Variants in MPHOSPH8 observed in about 807,000 individuals in gnomAD.
MPHOSPH8 encodes M-phase phosphoprotein 8.
MPHOSPH8 carries 45 observed loss-of-function variants against 87.3 expected under a neutral mutation model. The ratio of observed to expected loss-of-function variants is 0.52; its 90% CI spans 0.41 to 0.66. The LOEUF (loss-of-function observed/expected upper bound fraction) is 0.66. Among genes scored for constraint, MPHOSPH8 ranks in the 30% least tolerant of loss-of-function variants. The pLI is 0.00. For synonymous variants in MPHOSPH8, 366 were observed against 376.9 expected (o/e 0.97, Z 0.33); for missense variants, 883 against 1,020.2 (o/e 0.87, Z 1.83).
chr13:19,668,797 CAA>C (rs57057854), intron 11 of MPHOSPH8, among the ~76,000 whole-genome samples: 16,140 of 152,154 alleles, frequency 0.11, 1,024 homozygotes, highest in African/African-American at 0.18. Context: ...AATTCAGCGT[CAA>C]GATTCTAAGC....
intron 12 of MPHOSPH8, 107 bp from the exon 13 acceptor site, chr13:19,671,099 G>A: frequency 1.3e-6 from 2 of 1,486,682 alleles, no homozygotes; most frequent in Non-Finnish European, 1.8e-6. Context: ...CTTGACTTAT[G>A]AAATAAAAAA....
intron 11 of MPHOSPH8, among the ~76,000 whole-genome samples, chr13:19,668,988 G>A (rs1460688625): frequency 6.6e-6 from 1 of 152,126 alleles, no homozygotes; most frequent in Non-Finnish European, 1.5e-5. Context: ...CTCTCTACAC[G>A]TGGCGCCAGG....
chr13:19,663,539 C>T (rs1025138209), intron 9 of MPHOSPH8, among the ~76,000 whole-genome samples: 18 of 152,324 alleles, frequency 1.2e-4, no homozygotes, highest in African/African-American at 4.1e-4. Flanking sequence ...CGGAGTTCCT[C>T]GTGCACTCTG....
At chr13:19,651,900 C>T (rs1284890543) in intron 5 of MPHOSPH8, among the ~76,000 whole-genome samples, 1 of 151,952 alleles carries the variant, frequency 6.6e-6, no homozygotes, top group African/African-American at 2.4e-5. Context: ...GAGTCCGAGA[C>T]CAGCCTGGAC....
chr13:19,660,883 C>G, intron 7 of MPHOSPH8: 1 of 973,880 alleles, frequency 1.0e-6, no homozygotes, highest in African/African-American at 1.8e-5. Context: ...TGATCGTATG[C>G]CCCCCAAAAA....
chr13:19,671,419 T>A (rs1488598478), intron 13 of MPHOSPH8, 130 bp downstream of exon 13: 1 of 709,498 alleles, frequency 1.4e-6, no homozygotes, highest in Non-Finnish European at 2.4e-6. Context: ...CCTGGGGTAG[T>A]GATGCTAGGT....
In MPHOSPH8 at chr13:19,663,064, C is replaced by G; in HGVS notation, c.1957C>G (p.Leu653Val). The change falls in exon 9 of 14, where the codon CTT becomes GTT. Residue 653 changes from leucine to valine, a missense_variant. Physicochemically the swap from Leu to Val is conservative, Grantham distance 32 (BLOSUM62 1). Coordinates refer to ENST00000361479, the MANE Select transcript of MPHOSPH8 (RefSeq NM_017520.4). Reference protein sequence around the residue: ...EKNFLTTVAILLEAGAFVNVQ... With the variant: ...EKNFLTTVAIVLEAGAFVNVQ... ...GAACTTTTTAACAACAGTGGCTATTCTTTTGGAAGCAGGAGCTTTTGTAAA... is the reference window on the plus strand; with the variant it reads ...GAACTTTTTAACAACAGTGGCTATTGTTTTGGAAGCAGGAGCTTTTGTAAA... 1 of 1,613,694 alleles carries G rather than the reference C, an allele frequency of 6.2e-7. No individual in the cohort carries two copies. The highest frequency in any genetic ancestry group is 8.5e-7 in the Non-Finnish European group (1 of 1,179,586).
intron 2 of MPHOSPH8, among the ~76,000 whole-genome samples, chr13:19,645,799 T>C (rs1874533960): frequency 6.6e-6 from 1 of 151,800 alleles, no homozygotes; most frequent in Non-Finnish European, 1.5e-5. Flanking sequence ...CCCCAAGTCA[T>C]TTAGGATAAG....
At chr13:19,658,448 G>A (rs187352397) in intron 5 of MPHOSPH8, among the ~76,000 whole-genome samples, 204 of 139,932 alleles carry the variant, frequency 1.5e-3, no homozygotes, top group African/African-American at 4.9e-3. Context: ...AGGTCCTGTC[G>A]GGGAAGACTC....
intron 7 of MPHOSPH8, chr13:19,659,557 G>C (rs969913212): frequency 3.8e-5 from 15 of 392,762 alleles, no homozygotes; most frequent in Admixed American, 3.3e-4. Context: ...CCAGTTACTT[G>C]GGTGGCTGAG....
chr13:19,660,506 A>G (rs1290358045), intron 7 of MPHOSPH8, among the ~76,000 whole-genome samples: 1 of 152,126 alleles, frequency 6.6e-6, no homozygotes, highest in Non-Finnish European at 1.5e-5. Flanking sequence ...TCACAAAATT[A>G]TTGGGCTTTT....
intron 2 of MPHOSPH8, among the ~76,000 whole-genome samples, chr13:19,644,489 T>C (rs924777077): frequency 1.3e-5 from 2 of 152,206 alleles, no homozygotes; most frequent in Non-Finnish European, 2.9e-5. Context: ...TAGAAGCAAA[T>C]ACATAATTAA....
chr13:19,643,498 G>A (rs1246702032), intron 2 of MPHOSPH8, among the ~76,000 whole-genome samples: 5 of 152,092 alleles, frequency 3.3e-5, no homozygotes, highest in East Asian at 1.9e-4. Flanking sequence ...CTCGCACCTC[G>A]GCCTCCCAAA....
intron 2 of MPHOSPH8, among the ~76,000 whole-genome samples, chr13:19,642,495 G>A (rs2137503640): frequency 6.6e-6 from 1 of 152,278 alleles, no homozygotes; most frequent in East Asian, 1.9e-4. Context: ...ATAGTTTGGA[G>A]ATGAATATTG....
At position 19,673,119 on chromosome 13, in the gene MPHOSPH8, A is replaced by C. The variant is rs1402348550; in HGVS notation, c.*1244A>C. 7 of 450,330 alleles carry C rather than the reference A, an allele frequency of 1.6e-5. No homozygotes were observed. Among genetic ancestry groups the C allele is most frequent in the East Asian group, 7.0e-5 (1 of 14,298 alleles). The allele number at this position is 450,330 out of a possible 1,614,324, so 27.9% of individuals were successfully genotyped here. A position where few individuals can be genotyped will look rare whatever the true frequency, so the allele number is the denominator to read the frequency against. On this transcript the variant is annotated 3_prime_UTR_variant, in exon 14 of 14. Coordinates refer to ENST00000361479, the MANE Select transcript of MPHOSPH8 (RefSeq NM_017520.4). ...TTTTGTTTTTTTTTTTTGAAAAGCC[A>C]GACCTTGTGCCCTTGTTTTGAACAC...
Position 19,666,342 on chromosome 13 carries a change from C to T in MPHOSPH8, c.2020-83C>T, listed in dbSNP as rs369630561. 18 of 1,386,522 alleles carry T rather than the reference C, an allele frequency of 1.3e-5. No homozygotes were observed. In the South Asian group the frequency reaches 1.4e-4, roughly 11 times the overall value. 85.9% of individuals were successfully genotyped at this position (1,386,522 alleles called of 1,614,324 possible). On this transcript the variant is annotated intron_variant, in intron 9 of 13. Transcript: ENST00000361479. ...GGCCTGTGCCCTCTCTTCACAGAACCGCTAAGCATGTATGGAGAAGGGACC... is the reference window on the plus strand; with the variant it reads ...GGCCTGTGCCCTCTCTTCACAGAACTGCTAAGCATGTATGGAGAAGGGACC...
chr13:19,656,278 A>AAG (rs10685383), intron 5 of MPHOSPH8, among the ~76,000 whole-genome samples: 1 of 23,694 alleles, frequency 4.2e-5, no homozygotes, highest in Non-Finnish European at 1.6e-4. Context: ...GACTGTTGTC[A>AAG]AAAAAAAAAA....
chr13:19,661,945 CTT>C (rs397761364), intron 8 of MPHOSPH8, 107 bp downstream of exon 8: 22,423 of 998,120 alleles, frequency 0.022, no homozygotes, highest in South Asian at 0.035. Context: ...GGTCACATCG[CTT>C]TTTTTTTTTT....
chr13:19,661,522 T>G (rs1310328205), intron 7 of MPHOSPH8, among the ~76,000 whole-genome samples, 176 bp from the exon 8 acceptor site: 1 of 152,250 alleles, frequency 6.6e-6, no homozygotes, highest in Admixed American at 6.5e-5. Flanking sequence ...TGTGAAAAGA[T>G]ACTCTAAAAG....
Sources: gnomAD v4.1 joint callset for allele counts (sites outside exome capture counted in the v4.1 genomes callset) on GRCh38, gnomAD v4.1.1 for gene constraint, MANE v1.5 for transcripts, NCBI Gene and HGNC (gene_info 2026-07-23, HGNC 2026-07-21) for gene names.